Variants in SPAG16 observed in about 807,000 individuals in gnomAD.
SPAG16 encodes sperm associated antigen 16, also known as sperm-associated antigen 16 protein.
In SPAG16, 86 loss-of-function variants were observed where a neutral mutation model predicts 80.4. That is an observed-to-expected ratio of 1.07 (90% CI 0.90 to 1.28). The LOEUF (loss-of-function observed/expected upper bound fraction) is 1.28. Among genes scored for constraint, SPAG16 ranks in the 50% most tolerant of loss-of-function variants. The pLI is 0.00. For synonymous variants in SPAG16, 294 were observed against 265.9 expected, an observed-to-expected ratio of 1.11 and a Z score of -1.03; for missense variants, 870 against 765.3, an observed-to-expected ratio of 1.14 and a Z score of -1.61.
At chr2:214,301,722 G>T (rs536849858) in intron 15 of SPAG16, among the ~76,000 whole-genome samples, 1 of 151,966 alleles carries the variant, frequency 6.6e-6, no homozygotes, top group Non-Finnish European at 1.5e-5. Context: ...TTCTTTCAAA[G>T]AACCAACTTT....
intron 11 of SPAG16, among the ~76,000 whole-genome samples, chr2:213,899,507 G>T (rs1299249444): frequency 6.6e-6 from 1 of 152,068 alleles, no homozygotes; most frequent in Non-Finnish European, 1.5e-5. Flanking sequence ...TCCGTGATTA[G>T]ATTAAATGGA....
At chr2:214,013,767 C>CACT (rs2047438903) in intron 12 of SPAG16, among the ~76,000 whole-genome samples, 184 bp from the exon 13 acceptor site, 1 of 152,104 alleles carries the variant, frequency 6.6e-6, no homozygotes, top group African/African-American at 2.4e-5. Context: ...TTTTATGCTA[C>CACT]TAATCGTATA....
rs548369854 is a variant in SPAG16 at position 213,360,846 on chromosome 2, G to T, written c.763-3230G>T. Among the ~76,000 whole-genome samples, 30 of 152,194 alleles carry T rather than the reference G, an allele frequency of 2.0e-4. No homozygotes were observed. The East Asian group carries it at 5.8e-3, about 29-fold the overall frequency. On this transcript the variant is annotated intron_variant, in intron 7 of 15. Coordinates refer to ENST00000331683, the MANE Select transcript of SPAG16 (RefSeq NM_024532.5). Reference sequence around the variant, plus strand: ...ATTTTGAATATTTCTTTATTTCAACGTTTGATGCAGTTACGCTTTGAGAAT... The same window carrying T: ...ATTTTGAATATTTCTTTATTTCAACTTTTGATGCAGTTACGCTTTGAGAAT...
chr2:213,576,747 C>G (rs932272357), intron 10 of SPAG16, among the ~76,000 whole-genome samples: 1 of 152,090 alleles, frequency 6.6e-6, no homozygotes, highest in African/African-American at 2.4e-5. Context: ...AGTGCTTGTT[C>G]TCACTTAATG....
chr2:213,743,151 C>T (rs1349010121), intron 10 of SPAG16, among the ~76,000 whole-genome samples: 2 of 152,200 alleles, frequency 1.3e-5, no homozygotes, highest in South Asian at 2.1e-4. Context: ...GATCCACCCG[C>T]GTCAGCCTCC....
At chr2:214,180,933 T>C (rs2057291186) in intron 15 of SPAG16, among the ~76,000 whole-genome samples, 1 of 151,740 alleles carries the variant, frequency 6.6e-6, no homozygotes, top group South Asian at 2.1e-4. Context: ...TTGAGTGGAT[T>C]TTATTACAAA....
At chr2:213,565,813 C>T (rs1423079406) in intron 10 of SPAG16, among the ~76,000 whole-genome samples, 11 of 152,148 alleles carry the variant, frequency 7.2e-5, no homozygotes, top group Non-Finnish European at 5.9e-5. Context: ...TACTTTGTCC[C>T]ATAGCCCAGA....
At chr2:214,312,800 A>T (rs1011977239) in intron 15 of SPAG16, among the ~76,000 whole-genome samples, 22 of 152,174 alleles carry the variant, frequency 1.4e-4, no homozygotes, top group African/African-American at 5.1e-4. Flanking sequence ...CTAAGCAAAA[A>T]GTCTCATACA....
intron 14 of SPAG16, among the ~76,000 whole-genome samples, chr2:214,130,070 A>G (rs186614404): frequency 2.6e-5 from 4 of 152,160 alleles, no homozygotes; most frequent in African/African-American, 4.8e-5. Context: ...TGGCTTCAAT[A>G]GAGAAAATTC....
At chr2:214,230,892 C>T (rs908645869) in intron 15 of SPAG16, among the ~76,000 whole-genome samples, 2 of 151,898 alleles carry the variant, frequency 1.3e-5, no homozygotes, top group Non-Finnish European at 2.9e-5. Flanking sequence ...CAAGATGGGC[C>T]AAACAGAACC....
intron 10 of SPAG16, among the ~76,000 whole-genome samples, chr2:213,765,328 C>T (rs1446214043): frequency 6.6e-6 from 1 of 152,120 alleles, no homozygotes; most frequent in Admixed American, 6.5e-5. Flanking sequence ...GAGATCACAC[C>T]ACTGCACTCC....
intron 13 of SPAG16, among the ~76,000 whole-genome samples, chr2:214,049,631 G>A (rs1394974862): frequency 6.6e-6 from 1 of 152,110 alleles, no homozygotes; most frequent in African/African-American, 2.4e-5. Flanking sequence ...TTTCTAATGT[G>A]TCTCAAAATC....
rs1006752248 is a variant in SPAG16 at position 214,132,158 on chromosome 2, A to G, written c.1594-16982A>G. ...TGGGTATATCGGGTATAATTCTTGAAAGAGTTCTATTGCAAATATGAGAAG... is the reference window on the plus strand; with the variant it reads ...TGGGTATATCGGGTATAATTCTTGAGAGAGTTCTATTGCAAATATGAGAAG... On this transcript the variant is annotated intron_variant, in intron 14 of 15. Transcript: ENST00000331683. Among the ~76,000 whole-genome samples, 51 of 152,208 alleles carry G rather than the reference A, an allele frequency of 3.4e-4. 1 individual carries two copies. Among genetic ancestry groups the G allele is most frequent in the African/African-American group, 1.2e-3 (48 of 41,468 alleles).
intron 12 of SPAG16, among the ~76,000 whole-genome samples, chr2:213,998,062 AC>A (rs2046612051): frequency 6.6e-6 from 1 of 152,246 alleles, no homozygotes; most frequent in South Asian, 2.1e-4. Flanking sequence ...TATAGTCTTT[AC>A]TGGGCAATCA....
At chr2:214,054,618 A>AT (rs533258750) in intron 13 of SPAG16, among the ~76,000 whole-genome samples, 100 of 151,922 alleles carry the variant, frequency 6.6e-4, no homozygotes, top group African/African-American at 2.3e-3. Flanking sequence ...TATTTCTATA[A>AT]TTTTTTTTGC....
chr2:214,021,709 A>G (rs16851312), intron 13 of SPAG16, among the ~76,000 whole-genome samples: 77,045 of 151,774 alleles, frequency 0.51, 20,474 homozygotes, highest in South Asian at 0.7. Flanking sequence ...TTTAAAATAA[A>G]CCTCACTGCA....
At chr2:214,177,087 C>G (rs994728872) in intron 15 of SPAG16, among the ~76,000 whole-genome samples, 2 of 151,058 alleles carry the variant, frequency 1.3e-5, no homozygotes, top group East Asian at 1.9e-4. Context: ...GAATAAATCT[C>G]TTAAACACAA....
At chr2:213,819,293 A>G (rs757957818) in intron 10 of SPAG16, among the ~76,000 whole-genome samples, 1 of 152,206 alleles carries the variant, frequency 6.6e-6, no homozygotes, top group Non-Finnish European at 1.5e-5. Flanking sequence ...TATTTCCTGG[A>G]AAATGCCAAC....
intron 10 of SPAG16, among the ~76,000 whole-genome samples, chr2:213,702,604 A>G (rs1401255469): frequency 6.6e-6 from 1 of 152,164 alleles, no homozygotes; most frequent in Admixed American, 6.5e-5. Flanking sequence ...TCATCTTTGT[A>G]TAGTCTTTTT....
Sources: allele counts gnomAD v4.1 joint callset (sites outside exome capture counted in the v4.1 genomes callset), GRCh38; gene constraint gnomAD v4.1.1; transcripts MANE v1.5; gene names NCBI Gene and HGNC (gene_info 2026-07-23, HGNC 2026-07-21).